VKORC1L1: variants seen among roughly 807,000 people sequenced by gnomAD.
VKORC1L1 encodes vitamin K epoxide reductase complex subunit 1L1, also known as vitamin K epoxide reductase complex subunit 1-like protein 1.
VKORC1L1 carries 2 observed loss-of-function variants against 18.9 expected under a neutral mutation model. That is an observed-to-expected ratio of 0.11 (90% CI 0.04 to 0.33). VKORC1L1 has a LOEUF of 0.33. Among genes scored for constraint, VKORC1L1 ranks in the 10% least tolerant of loss-of-function variants. VKORC1L1 has a pLI of 1.00. For missense variants in VKORC1L1, 123 were observed against 224.1 expected (o/e 0.55, Z 2.88); for synonymous variants, 96 against 100.0 (o/e 0.96, Z 0.24).
At chr7:65,929,439 G>C (rs946495216) in intron 1 of VKORC1L1, among the ~76,000 whole-genome samples, 1 of 151,898 alleles carries the variant, frequency 6.6e-6, no homozygotes, top group African/African-American at 2.4e-5. Context: ...AGTTGTGTCT[G>C]TTTCTGAGCT....
chr7:65,941,418 G>T (rs1790030962), intron 1 of VKORC1L1, among the ~76,000 whole-genome samples: 2 of 151,928 alleles, frequency 1.3e-5, no homozygotes, highest in Admixed American at 1.3e-4. Flanking sequence ...CCCTGCCAAA[G>T]TTCTATTTCT....
intron 1 of VKORC1L1, among the ~76,000 whole-genome samples, chr7:65,944,806 A>G (rs1262653940): frequency 6.6e-6 from 1 of 151,500 alleles, no homozygotes; most frequent in Non-Finnish European, 1.5e-5. Context: ...GGTGCCAGCT[A>G]TTCGGGAGGC....
chr7:65,953,997 C>G, intron 2 of VKORC1L1, 77 bp from the exon 3 acceptor site: 5 of 1,304,124 alleles, frequency 3.8e-6, no homozygotes, highest in Non-Finnish European at 5.3e-6. Context: ...GCAAGTCACA[C>G]AGTGTTATTC....
intron 1 of VKORC1L1, among the ~76,000 whole-genome samples, chr7:65,931,237 T>G (rs1195934578): frequency 6.6e-6 from 1 of 152,112 alleles, no homozygotes; most frequent in Non-Finnish European, 1.5e-5. Flanking sequence ...GATGTCAGGG[T>G]AAAGCTAGCC....
At chr7:65,872,871 C>G (rs1039068049), upstream of VKORC1L1, among the ~76,000 whole-genome samples, 2 of 152,076 alleles carry the variant, frequency 1.3e-5, no homozygotes, top group African/African-American at 4.8e-5. Flanking sequence ...TTCGCCCAGT[C>G]ACCCACAGTG....
At chr7:65,895,633 CTT>C (rs987944609) in intron 1 of VKORC1L1, among the ~76,000 whole-genome samples, 6 of 149,884 alleles carry the variant, frequency 4.0e-5, no homozygotes, top group Non-Finnish European at 7.4e-5. Flanking sequence ...GAAAATGAAA[CTT>C]TTCACAAAAA....
At chr7:65,927,482 C>G (rs147781575) in intron 1 of VKORC1L1, among the ~76,000 whole-genome samples, 1 of 152,152 alleles carries the variant, frequency 6.6e-6, no homozygotes, top group Non-Finnish European at 1.5e-5. Context: ...ACAAACTCAT[C>G]TGTCCAAACC....
At chr7:65,867,455 CT>C in the VKORC1L1 span, among the ~76,000 whole-genome samples, 27 of 149,280 alleles carry the variant, frequency 1.8e-4, no homozygotes, top group African/African-American at 2.7e-4. Context: ...TTAAAATCAT[CT>C]TTTTTTTTTC....
At chr7:65,879,870 G>C (rs1272657354) in intron 1 of VKORC1L1, among the ~76,000 whole-genome samples, 1 of 114,368 alleles carries the variant, frequency 8.7e-6, no homozygotes, top group African/African-American at 3.4e-5. Context: ...TTAACTTTTT[G>C]AGACATTGTC....
intron 1 of VKORC1L1, among the ~76,000 whole-genome samples, chr7:65,942,595 T>C (rs1790055060): frequency 6.6e-6 from 1 of 151,828 alleles, no homozygotes; most frequent in Non-Finnish European, 1.5e-5. Context: ...TGGAGTGCAG[T>C]GGCGCAATCT....
intron 1 of VKORC1L1, among the ~76,000 whole-genome samples, chr7:65,912,678 A>C (rs1325450502): frequency 9.8e-5 from 15 of 152,318 alleles, no homozygotes; most frequent in Admixed American, 6.5e-5. Context: ...GTAAGAATCT[A>C]GTACATCAGT....
chr7:65,905,031 A>C (rs954716502), intron 1 of VKORC1L1, among the ~76,000 whole-genome samples: 4 of 152,144 alleles, frequency 2.6e-5, no homozygotes, highest in African/African-American at 9.7e-5. Context: ...ATATGTATAC[A>C]TATAGGTATG....
At chr7:65,920,557 G>A (rs1789658811) in intron 1 of VKORC1L1, among the ~76,000 whole-genome samples, 1 of 152,176 alleles carries the variant, frequency 6.6e-6, no homozygotes, top group South Asian at 2.1e-4. Flanking sequence ...GGTTGTAGGA[G>A]AGGATAAAAT....
intron 1 of VKORC1L1, among the ~76,000 whole-genome samples, chr7:65,889,304 T>C (rs1299907410): frequency 6.6e-6 from 1 of 152,176 alleles, no homozygotes; most frequent in Non-Finnish European, 1.5e-5. Flanking sequence ...CTACTAGACA[T>C]CTCTACTTGG....
intron 1 of VKORC1L1, among the ~76,000 whole-genome samples, chr7:65,874,612 C>T (rs1418841140): frequency 6.6e-6 from 1 of 152,002 alleles, no homozygotes; most frequent in Non-Finnish European, 1.5e-5. Context: ...TCAAGACCAG[C>T]CTGGCCAACA....
chr7:65,920,835 A>G (rs1005562156), intron 1 of VKORC1L1, among the ~76,000 whole-genome samples: 1 of 151,972 alleles, frequency 6.6e-6, no homozygotes. Context: ...TTAGAAAAAA[A>G]AAAAGACAGA....
chr7:65,928,279 T>TG (rs1789799894), intron 1 of VKORC1L1, among the ~76,000 whole-genome samples: 1 of 143,868 alleles, frequency 7.0e-6, no homozygotes, highest in Non-Finnish European at 1.5e-5. Flanking sequence ...TTTTTTCAGA[T>TG]GGGGTCTCAC....
intron 1 of VKORC1L1, among the ~76,000 whole-genome samples, chr7:65,934,037 C>T (rs927993945): frequency 2.0e-5 from 3 of 152,082 alleles, no homozygotes; most frequent in Non-Finnish European, 2.9e-5. Flanking sequence ...TTGCTTCCAA[C>T]AATCTTAAGT....
At chr7:65,910,979 G>A (rs962086418) in intron 1 of VKORC1L1, among the ~76,000 whole-genome samples, 1 of 152,084 alleles carries the variant, frequency 6.6e-6, no homozygotes, top group African/African-American at 2.4e-5. Flanking sequence ...TGATGATTTT[G>A]TTGCTCCATT....
Sources: gnomAD v4.1 joint callset for allele counts (sites outside exome capture counted in the v4.1 genomes callset) on GRCh38, gnomAD v4.1.1 for gene constraint, MANE v1.5 for transcripts, NCBI Gene and HGNC (gene_info 2026-07-23, HGNC 2026-07-21) for gene names.